The following TRHDE variants were observed in gnomAD, a reference collection of about 807,000 sequenced individuals.
TRHDE encodes the protein thyrotropin-releasing hormone-degrading ectoenzyme.
In TRHDE, 72 loss-of-function variants were observed where a neutral mutation model predicts 125.7. The observed-to-expected ratio is 0.57, with a 90% CI of 0.47 to 0.70. The LOEUF (loss-of-function observed/expected upper bound fraction) is 0.70. Among genes scored for constraint, TRHDE ranks in the 30% least tolerant of loss-of-function variants. TRHDE has a pLI of 0.00. For synonymous variants in TRHDE, 509 were observed against 509.1 expected (o/e 1.00, Z 0.00); for missense variants, 1,110 against 1,327.1 (o/e 0.84, Z 2.54).
At chr12:72,124,790 TC>T (rs1875674720) in intron 2 of TRHDE, among the ~76,000 whole-genome samples, 1 of 152,164 alleles carries the variant, frequency 6.6e-6, no homozygotes, top group Non-Finnish European at 1.5e-5. Context: ...ATGTCTGTAG[TC>T]CCAGCTTTTT....
chr12:72,328,396 C>T (rs983368888), intron 2 of TRHDE, among the ~76,000 whole-genome samples: 2 of 152,034 alleles, frequency 1.3e-5, no homozygotes, highest in Non-Finnish European at 2.9e-5. Context: ...ATTCTTTTCA[C>T]AAACAACATT....
At chr12:72,363,777 G>C (rs927246349) in intron 2 of TRHDE, among the ~76,000 whole-genome samples, 1 of 151,998 alleles carries the variant, frequency 6.6e-6, no homozygotes, top group Admixed American at 6.6e-5. Context: ...CCAGGGCAAT[G>C]AGGCAGGAGA....
chr12:72,664,620 T>TTTAAG lies in TRHDE; in HGVS notation c.*1428_*1432dup, dbSNP rs1875046821. ...CTTAGATGCTTCAAAATTAGCATAT[T>TTTAAG]TTAAGTTTACCAGTATAAAATACCA... On this transcript the variant is annotated 3_prime_UTR_variant, in exon 19 of 19. Coordinates refer to ENST00000261180, the MANE Select transcript of TRHDE (RefSeq NM_013381.3). 6.6e-6 allele frequency: 1 copy of TTTAAG among 152,098 alleles called. No individual in the cohort carries two copies. The highest frequency in any genetic ancestry group is 2.1e-4 in the South Asian group (1 of 4,830). 9.4% of individuals were successfully genotyped at this position (152,098 alleles called of 1,614,324 possible). A position where few individuals can be genotyped will look rare whatever the true frequency, so the allele number is the denominator to read the frequency against.
intron 2 of TRHDE, among the ~76,000 whole-genome samples, chr12:72,129,261 A>C (rs147123524): frequency 2.0e-3 from 312 of 152,362 alleles, no homozygotes; most frequent in South Asian, 3.9e-3. Flanking sequence ...TGGAATGCTC[A>C]AAGAATTTAT....
chr12:72,183,204 A>G (rs1454637778), intron 2 of TRHDE, among the ~76,000 whole-genome samples: 1 of 152,198 alleles, frequency 6.6e-6, no homozygotes, highest in Non-Finnish European at 1.5e-5. Flanking sequence ...AAACTTTATT[A>G]TGTGCTCAAC....
intron 5 of TRHDE, among the ~76,000 whole-genome samples, chr12:72,479,996 C>T (rs2135911570): frequency 6.6e-6 from 1 of 151,438 alleles, no homozygotes; most frequent in East Asian, 1.9e-4. Context: ...ATGAACTCAT[C>T]CTTTTTTATG....
chr12:72,367,524 A>G (rs1871388669), intron 2 of TRHDE, among the ~76,000 whole-genome samples: 1 of 151,624 alleles, frequency 6.6e-6, no homozygotes, highest in African/African-American at 2.4e-5. Context: ...ATGTGTATTT[A>G]TTTCCCTTTT....
intron 2 of TRHDE, among the ~76,000 whole-genome samples, chr12:72,364,032 G>C (rs945268853): frequency 5.3e-5 from 8 of 152,042 alleles, no homozygotes; most frequent in African/African-American, 7.2e-5. Context: ...TTGCTTCAAA[G>C]AGAATAAAAT....
intron 3 of TRHDE, among the ~76,000 whole-genome samples, chr12:72,444,099 G>A (rs1395631029): frequency 6.6e-6 from 1 of 151,756 alleles, no homozygotes; most frequent in Non-Finnish European, 1.5e-5. Flanking sequence ...CTTGGCCTTG[G>A]GCCACATTGT....
At chr12:72,541,277 A>G (rs1480531339) in intron 6 of TRHDE, among the ~76,000 whole-genome samples, 2 of 151,554 alleles carry the variant, frequency 1.3e-5, no homozygotes, top group African/African-American at 2.4e-5. Flanking sequence ...CTCCATACCA[A>G]TTCAATTTGG....
At chr12:72,180,188 A>T (rs1168962510) in intron 2 of TRHDE, among the ~76,000 whole-genome samples, 1 of 152,050 alleles carries the variant, frequency 6.6e-6, no homozygotes, top group African/African-American at 2.4e-5. Flanking sequence ...TTTAAAAAAA[A>T]GTTATGTTTT....
At chr12:72,404,076 C>T (rs1196992680) in intron 3 of TRHDE, among the ~76,000 whole-genome samples, 3 of 152,194 alleles carry the variant, frequency 2.0e-5, no homozygotes, top group Non-Finnish European at 4.4e-5. Flanking sequence ...TTGTACTAGT[C>T]GTACTAGCCA....
chr12:72,413,844 C>A (rs1196217976), intron 3 of TRHDE, among the ~76,000 whole-genome samples: 1 of 151,982 alleles, frequency 6.6e-6, no homozygotes, highest in East Asian at 1.9e-4. Flanking sequence ...ATCCCAGCAA[C>A]GTAGCTATGC....
intron 7 of TRHDE, among the ~76,000 whole-genome samples, chr12:72,546,760 A>G (rs1360994074): frequency 6.6e-6 from 1 of 151,684 alleles, no homozygotes; most frequent in African/African-American, 2.4e-5. Context: ...AGCCACTGCC[A>G]GCCTTCCAGA....
chr12:72,199,904 C>G (rs769854390), intron 2 of TRHDE, among the ~76,000 whole-genome samples: 4 of 152,076 alleles, frequency 2.6e-5, no homozygotes, highest in African/African-American at 4.8e-5. Flanking sequence ...AAAGGGCTAG[C>G]TTGTTTGAGG....
intron 3 of TRHDE, among the ~76,000 whole-genome samples, chr12:72,432,301 C>CT (rs1874525557): frequency 6.6e-6 from 1 of 152,154 alleles, no homozygotes; most frequent in Non-Finnish European, 1.5e-5. Flanking sequence ...GAGCTGCTTG[C>CT]TTTTATTCAG....
intron 2 of TRHDE, among the ~76,000 whole-genome samples, chr12:72,188,509 A>C (rs1233010459): frequency 1.3e-5 from 2 of 152,230 alleles, no homozygotes; most frequent in African/African-American, 4.8e-5. Flanking sequence ...GTAACAGTAA[A>C]TTTAAATGCC....
At chr12:72,446,339 A>G (rs577763646) in intron 3 of TRHDE, among the ~76,000 whole-genome samples, 6 of 151,762 alleles carry the variant, frequency 4.0e-5, no homozygotes, top group Non-Finnish European at 8.8e-5. Flanking sequence ...GGCCTGCCTT[A>G]GGAGAGCTCC....
rs1432873286 is a variant in TRHDE, at chr12:72,578,275, G to A, written c.2321+2733G>A. ...TTTATAGCTGAGGCATTGAGATTAA[G>A]AGAGGTTAAGTTGCTTAGGTAAGGC... On this transcript the variant is annotated intron_variant, in intron 12 of 18. Coordinates refer to ENST00000261180, the MANE Select transcript of TRHDE (RefSeq NM_013381.3). Among the ~76,000 whole-genome samples the A allele has an allele frequency of 2.0e-5, 3 of 152,120 alleles. No individual in the cohort carries two copies. In the East Asian group the frequency reaches 5.8e-4, roughly 29 times the overall value.
Sources: gnomAD v4.1 joint callset for allele counts (sites outside exome capture counted in the v4.1 genomes callset) on GRCh38, gnomAD v4.1.1 for gene constraint, MANE v1.5 for transcripts, NCBI Gene and HGNC (gene_info 2026-07-23, HGNC 2026-07-21) for gene names.